The following APOOL variants were observed in gnomAD, a reference collection of about 807,000 sequenced individuals.
APOOL encodes the protein MICOS complex subunit MIC27.
APOOL carries 12 observed loss-of-function variants against 23.1 expected under a neutral mutation model. The ratio of observed to expected loss-of-function variants is 0.52; its 90% CI spans 0.33 to 0.84. APOOL has a LOEUF of 0.84. APOOL is among the 40% of genes least tolerant of loss of function. APOOL has a pLI of 0.02. For synonymous variants in APOOL, 77 were observed against 69.9 expected (o/e 1.10, Z -0.51); for missense variants, 212 against 199.6 (o/e 1.06, Z -0.37).
chrX:85,060,577 C>G (rs1368736615), intron 5 of APOOL, among the ~76,000 whole-genome samples: 1 of 110,787 alleles, frequency 9.0e-6, no homozygotes, highest in Non-Finnish European at 1.9e-5. Context: ...TGTAGTTTTC[C>G]TTGAAGAGGT....
chrX:85,018,698 C>T (rs1185091838), intron 1 of APOOL, among the ~76,000 whole-genome samples: 1 of 110,005 alleles, frequency 9.1e-6, no homozygotes, highest in African/African-American at 3.3e-5. Flanking sequence ...TTATTTCATT[C>T]ATTATATTCT....
intron 5 of APOOL, among the ~76,000 whole-genome samples, chrX:85,061,588 C>T (rs1602778639): frequency 8.9e-6 from 1 of 111,858 alleles, no homozygotes; most frequent in South Asian, 3.7e-4. Flanking sequence ...AGAGATTCAG[C>T]TTCTTCCTGG....
At chrX:85,024,394 C>T (rs996621148) in intron 1 of APOOL, among the ~76,000 whole-genome samples, 2 of 112,388 alleles carry the variant, frequency 1.8e-5, no homozygotes, top group African/African-American at 3.2e-5. Flanking sequence ...CTGATCTCCC[C>T]AATAACGGCT....
chrX:85,044,270 GTA>G (rs1556366425), intron 1 of APOOL, among the ~76,000 whole-genome samples: 7 of 107,359 alleles, frequency 6.5e-5, no homozygotes, highest in South Asian at 4.3e-4. Flanking sequence ...GTGTGTGTGT[GTA>G]TATATATATA....
At position 85,088,325 on chromosome X, in the gene APOOL, T is replaced by TTTTTG. The variant is rs1261811598; in HGVS notation, c.*651_*652insGTTTT. 2.6e-5 allele frequency: 2 copies of TTTTTG among 76,844 alleles called. No individual in the cohort carries two copies. Among genetic ancestry groups the TTTTTG allele is most frequent in the East Asian group, 8.1e-4 (2 of 2,479 alleles). 6.3% of individuals were successfully genotyped at this position (76,844 alleles called of 1,213,427 possible). On this transcript the variant is annotated 3_prime_UTR_variant, in exon 9 of 9. Transcript: ENST00000373173. The stretch of plus-strand genomic sequence containing the variant: ...AGGTGTGTTTCCCTCTGTTTTTTTT[T>TTTTTG]TTTTTTTTTTTTTTTTTTTTCCCAT...
intron 3 of APOOL, among the ~76,000 whole-genome samples, chrX:85,052,725 T>A (rs1052596189): frequency 3.6e-5 from 4 of 111,537 alleles, no homozygotes; most frequent in African/African-American, 1.3e-4. Context: ...ACACTATTAA[T>A]AGTTTGATCT....
intron 6 of APOOL, among the ~76,000 whole-genome samples, chrX:85,067,628 AC>A (rs1360732866): frequency 9.3e-5 from 1 of 10,806 alleles, no homozygotes; most frequent in East Asian, 2.1e-3. Flanking sequence ...TGAAGGTAAA[AC>A]ACACACACAC....
intron 1 of APOOL, among the ~76,000 whole-genome samples, chrX:85,038,313 T>A (rs1922284094): frequency 9.0e-6 from 1 of 110,781 alleles, no homozygotes; most frequent in South Asian, 3.8e-4. Context: ...TTGTTTAGAA[T>A]TTTTACATCT....
intron 1 of APOOL, among the ~76,000 whole-genome samples, chrX:85,041,251 G>A (rs1787026699): frequency 9.0e-6 from 1 of 111,526 alleles, no homozygotes; most frequent in African/African-American, 3.3e-5. Flanking sequence ...AAATAATCTG[G>A]CCACTTTTCT....
rs200537994 is a variant in APOOL at position 85,047,281 on chromosome X, C to T, written c.120+731C>T. On this transcript the variant is annotated intron_variant, in intron 2 of 8. Coordinates refer to ENST00000373173, the MANE Select transcript of APOOL (RefSeq NM_198450.6). ...ATACATCACAGCTTTGAGTTCCTCA[C>T]TATCATGATCAGCCTCTGCCAAGCA... Among the ~76,000 whole-genome samples the T allele has an allele frequency of 3.4e-4, 38 of 111,889 alleles. No homozygotes were observed. The East Asian group carries it at 0.01, about 30-fold the overall frequency.
At chrX:85,033,370 AC>A (rs1376807928) in intron 1 of APOOL, among the ~76,000 whole-genome samples, 1 of 111,806 alleles carries the variant, frequency 8.9e-6, no homozygotes, top group Non-Finnish European at 1.9e-5. Flanking sequence ...GTTACAGGTC[AC>A]TCCTTTCTCT....
rs767856410 is a variant in APOOL, at chrX:85,067,627, A to AAAAC, written c.486+410_486+411insAACA. ...TGGTTTCAGTGGTTTCTGAAGGTAA[A>AAAAC]ACACACACACACACACACACACACA... On this transcript the variant is annotated intron_variant, in intron 6 of 8. Coordinates refer to ENST00000373173, the MANE Select transcript of APOOL (RefSeq NM_198450.6). 2.2e-4 allele frequency among the ~76,000 whole-genome samples: 20 copies of AAAAC among 90,402 alleles called. No homozygotes were observed. In the East Asian group the frequency reaches 6.8e-3, roughly 31 times the overall value. The allele number at this position is 90,402 out of a possible 115,157, so 78.5% of individuals were successfully genotyped here.
intron 1 of APOOL, among the ~76,000 whole-genome samples, chrX:85,008,535 T>TTTGTGTGTGTGTGTG (rs778983009): frequency 6.7e-4 from 58 of 86,140 alleles, no homozygotes; most frequent in African/African-American, 2.5e-3. Flanking sequence ...TGATAACCCG[T>TTTGTGTGTGTGTGTG]TGTGTGTGTG....
chrX:85,015,276 A>G (rs1743776951), intron 1 of APOOL, among the ~76,000 whole-genome samples: 1 of 110,821 alleles, frequency 9.0e-6, no homozygotes, highest in South Asian at 3.7e-4. Flanking sequence ...TTTCTGTGGT[A>G]TCTCCTTGAG....
chrX:85,058,062 C>T (rs984286630), intron 5 of APOOL, among the ~76,000 whole-genome samples: 5 of 110,682 alleles, frequency 4.5e-5, no homozygotes, highest in Non-Finnish European at 9.5e-5. Flanking sequence ...GACATTTTAC[C>T]TTTTTTTAAA....
intron 6 of APOOL, among the ~76,000 whole-genome samples, chrX:85,070,448 T>A (rs947672388): frequency 9.0e-6 from 1 of 111,657 alleles, no homozygotes; most frequent in African/African-American, 3.3e-5. Flanking sequence ...TAGCAAGTAG[T>A]CTGTCTTTGA....
intron 1 of APOOL, among the ~76,000 whole-genome samples, chrX:85,027,315 C>A (rs911408839): frequency 9.0e-6 from 1 of 111,058 alleles, no homozygotes; most frequent in African/African-American, 3.3e-5. Flanking sequence ...CTGCCATGAC[C>A]CAAACACCTC....
At chrX:85,069,205 A>G (rs1012086786) in intron 6 of APOOL, among the ~76,000 whole-genome samples, 1 of 110,508 alleles carries the variant, frequency 9.0e-6, no homozygotes, top group Non-Finnish European at 1.9e-5. Flanking sequence ...CCTGAGATCC[A>G]TGATGGACTT....
intron 5 of APOOL, among the ~76,000 whole-genome samples, chrX:85,064,133 T>G (rs142488607): frequency 9.0e-6 from 1 of 110,965 alleles, no homozygotes; most frequent in African/African-American, 3.3e-5. Context: ...AATTTATTCA[T>G]TTTTAGATTC....
Sources: gnomAD v4.1 joint callset for allele counts (sites outside exome capture counted in the v4.1 genomes callset) on GRCh38, gnomAD v4.1.1 for gene constraint, MANE v1.5 for transcripts, NCBI Gene and HGNC (gene_info 2026-07-23, HGNC 2026-07-21) for gene names.